The following SLC39A11 variants were observed in gnomAD, a reference collection of about 807,000 sequenced individuals.
SLC39A11 encodes the protein solute carrier family 39 member 11, also known as zinc transporter ZIP11.
In SLC39A11, 33 loss-of-function variants were observed where a neutral mutation model predicts 36.1. That is an observed-to-expected ratio of 0.91 (90% CI 0.69 to 1.22). The LOEUF is 1.22. SLC39A11 is among the 50% of genes most tolerant of loss of function. SLC39A11 has a pLI of 0.00. For missense variants in SLC39A11, 432 were observed against 430.3 expected (o/e 1.00, Z -0.03); for synonymous variants, 166 against 170.3 (o/e 0.97, Z 0.20).
intron 6 of SLC39A11, among the ~76,000 whole-genome samples, chr17:72,794,084 T>C (rs1175317160): frequency 6.6e-6 from 1 of 152,198 alleles, no homozygotes; most frequent in Non-Finnish European, 1.5e-5. Flanking sequence ...TGTGGCATTC[T>C]CCTGAGAGAA....
At chr17:72,984,480 C>A (rs1360596119) in intron 4 of SLC39A11, among the ~76,000 whole-genome samples, 1 of 152,170 alleles carries the variant, frequency 6.6e-6, no homozygotes, top group African/African-American at 2.4e-5. Flanking sequence ...CACACTGAAT[C>A]CACAGGCTTC....
intron 7 of SLC39A11, among the ~76,000 whole-genome samples, chr17:72,669,194 A>G (rs946815906): frequency 1.3e-5 from 2 of 152,062 alleles, no homozygotes; most frequent in African/African-American, 4.8e-5. Flanking sequence ...CTACCTCAAG[A>G]CTTCTCGAAA....
intron 4 of SLC39A11, among the ~76,000 whole-genome samples, chr17:72,980,983 A>G (rs2088257873): frequency 6.6e-6 from 1 of 151,314 alleles, no homozygotes; most frequent in African/African-American, 2.4e-5. Context: ...AGATCATGCC[A>G]CTGCATTCCA....
At chr17:72,651,693 GGCATCTGAA>G (rs755374542) in intron 7 of SLC39A11, among the ~76,000 whole-genome samples, 70 of 152,106 alleles carry the variant, frequency 4.6e-4, no homozygotes, top group Non-Finnish European at 8.5e-4. Context: ...TTCCCCAGGG[GGCATCTGAA>G]AAGTGATAGC....
intron 4 of SLC39A11, among the ~76,000 whole-genome samples, chr17:72,985,730 A>G (rs996932735): frequency 4.6e-5 from 7 of 151,954 alleles, no homozygotes; most frequent in African/African-American, 1.5e-4. Context: ...ACTTTTTATT[A>G]CTGTCTTTTA....
At chr17:73,065,142 C>A (rs1241702323) in intron 3 of SLC39A11, among the ~76,000 whole-genome samples, 1 of 152,190 alleles carries the variant, frequency 6.6e-6, no homozygotes, top group Non-Finnish European at 1.5e-5. Context: ...CAGTGGCTCA[C>A]GTCTGTAATC....
At chr17:72,843,009 G>A (rs2078888213) in intron 6 of SLC39A11, among the ~76,000 whole-genome samples, 1 of 152,150 alleles carries the variant, frequency 6.6e-6, no homozygotes, top group Admixed American at 6.5e-5. Flanking sequence ...GAGTGCCATG[G>A]TGCGATCTCG....
intron 6 of SLC39A11, among the ~76,000 whole-genome samples, chr17:72,777,572 C>G (rs7218525): frequency 1.3e-5 from 2 of 148,826 alleles, no homozygotes; most frequent in African/African-American, 4.9e-5. Flanking sequence ...GGCATGGGAA[C>G]GATGCATCTA....
At chr17:72,880,747 T>C (rs1023713718) in intron 5 of SLC39A11, among the ~76,000 whole-genome samples, 2 of 151,008 alleles carry the variant, frequency 1.3e-5, no homozygotes, top group South Asian at 4.2e-4. Flanking sequence ...AGTGGCATAA[T>C]CTCAGCTCAC....
intron 6 of SLC39A11, among the ~76,000 whole-genome samples, chr17:72,810,437 C>T (rs1024003108): frequency 2.0e-5 from 3 of 152,174 alleles, no homozygotes; most frequent in Non-Finnish European, 4.4e-5. Flanking sequence ...TATTGCAATG[C>T]ACACAGACGA....
At chr17:72,706,073 G>A (rs1279383576) in intron 7 of SLC39A11, among the ~76,000 whole-genome samples, 2 of 152,206 alleles carry the variant, frequency 1.3e-5, no homozygotes, top group Non-Finnish European at 1.5e-5. Flanking sequence ...CTGGCCAGAT[G>A]GAGCCTCAGG....
chr17:72,879,197 G>A (rs1289296028), intron 5 of SLC39A11, among the ~76,000 whole-genome samples: 1 of 152,178 alleles, frequency 6.6e-6, no homozygotes, highest in Non-Finnish European at 1.5e-5. Flanking sequence ...TTTTTATGGA[G>A]GCGTCATGAT....
chr17:72,722,080 A>C (rs756043618), intron 7 of SLC39A11, among the ~76,000 whole-genome samples: 1 of 31,262 alleles, frequency 3.2e-5, no homozygotes, highest in Admixed American at 4.2e-4. Flanking sequence ...GTAGCCAAAG[A>C]AAAAAAAAAG....
chr17:72,865,716 C>T (rs2080268510), intron 5 of SLC39A11, among the ~76,000 whole-genome samples: 1 of 152,026 alleles, frequency 6.6e-6, no homozygotes, highest in Non-Finnish European at 1.5e-5. Flanking sequence ...TCAGCAGGCA[C>T]CACCGACAGA....
At chr17:72,923,496 C>T (rs1001176722) in intron 5 of SLC39A11, among the ~76,000 whole-genome samples, 2 of 152,112 alleles carry the variant, frequency 1.3e-5, no homozygotes, top group Admixed American at 1.3e-4. Context: ...AAATACAAGG[C>T]ATAAGCTTTG....
intron 1 of SLC39A11, among the ~76,000 whole-genome samples, chr17:73,091,645 C>T (rs1312758596): frequency 8.5e-5 from 13 of 152,058 alleles, no homozygotes; most frequent in Non-Finnish European, 5.9e-5. Context: ...TTTCTCTAAC[C>T]GGCAGACCAG....
intron 6 of SLC39A11, among the ~76,000 whole-genome samples, chr17:72,764,385 T>A (rs1417254701): frequency 6.6e-6 from 1 of 152,110 alleles, no homozygotes; most frequent in African/African-American, 2.4e-5. Flanking sequence ...CACAGGGGTA[T>A]TTATATAGCT....
At chr17:73,088,295 A>AG (rs1269962095) in intron 2 of SLC39A11, among the ~76,000 whole-genome samples, 1 of 149,936 alleles carries the variant, frequency 6.7e-6, no homozygotes, top group African/African-American at 2.4e-5. Flanking sequence ...TTCTGTCTCA[A>AG]AAAAAAAAAG....
intron 4 of SLC39A11, among the ~76,000 whole-genome samples, chr17:72,990,201 C>G (rs1386329984): frequency 1.3e-5 from 2 of 152,204 alleles, no homozygotes; most frequent in Admixed American, 1.3e-4. Context: ...CGATGCAGAG[C>G]CTTGATGGCT....
Sources: gnomAD v4.1 joint callset for allele counts (sites outside exome capture counted in the v4.1 genomes callset) on GRCh38, gnomAD v4.1.1 for gene constraint, MANE v1.5 for transcripts, NCBI Gene and HGNC (gene_info 2026-07-23, HGNC 2026-07-21) for gene names.